Variants in SYT1 observed in about 807,000 individuals in gnomAD.
The protein encoded by SYT1 is synaptotagmin 1.
In SYT1, 8 loss-of-function variants were observed where a neutral mutation model predicts 44.8. The ratio of observed to expected loss-of-function variants is 0.18; its 90% CI spans 0.10 to 0.32. The LOEUF (loss-of-function observed/expected upper bound fraction) is 0.32. Among genes scored for constraint, SYT1 ranks in the 10% least tolerant of loss-of-function variants. The pLI is 1.00. For missense variants in SYT1, 286 were observed against 509.3 expected (o/e 0.56, Z 4.22); for synonymous variants, 154 against 188.8 (o/e 0.82, Z 1.51).
Position 79,449,094 on chromosome 12 carries a change from A to T in SYT1, c.1239A>T (p.Glu413Asp). 3 of 1,613,720 alleles carry T rather than the reference A, an allele frequency of 1.9e-6. No individual in the cohort carries two copies. The highest frequency in any genetic ancestry group is 2.5e-6 in the Non-Finnish European group (3 of 1,179,798). ...AQWHTLQVEE[E>D]VDAMLAVKK ...GGCACACCCTGCAGGTAGAGGAGGAAGTTGATGCCATGCTGGCCGTCAAGA... is the reference window on the plus strand; with the variant it reads ...GGCACACCCTGCAGGTAGAGGAGGATGTTGATGCCATGCTGGCCGTCAAGA... Residue 413 changes from glutamate to aspartate, a missense_variant, in exon 11 of 11, where the codon GAA (glutamate) becomes GAT (aspartate). Glu to Asp is a conservative substitution (Grantham distance 45). This residue lies in a region of SYT1 where 34 missense variants were observed against 59.0 expected (regional missense o/e 0.58). Transcript: ENST00000261205.
In SYT1 at chr12:79,450,653, T is replaced by A. The variant is rs1387590582; in HGVS notation, c.*1529T>A. The A allele has an allele frequency of 6.5e-6, 1 of 152,672 alleles. No individual in the cohort carries two copies. Among genetic ancestry groups the A allele is most frequent in the Admixed American group, 6.5e-5 (1 of 15,284 alleles). The allele number at this position is 152,672 out of a possible 1,614,324, so 9.5% of individuals were successfully genotyped here. On this transcript the variant is annotated 3_prime_UTR_variant, in exon 11 of 11. Coordinates refer to ENST00000261205, the MANE Select transcript of SYT1 (RefSeq NM_005639.3). The stretch of plus-strand genomic sequence containing the variant: ...GCACTCAATTTATTCCGTAGTGATA[T>A]TGTAACAATACTGCCATTCCCTTCT...
At chr12:79,051,342 C>T (rs1420160833) in intron 3 of SYT1, among the ~76,000 whole-genome samples, 1 of 149,316 alleles carries the variant, frequency 6.7e-6, no homozygotes, top group Non-Finnish European at 1.5e-5. Flanking sequence ...ATATGTATCT[C>T]CACTATGTAT....
chr12:78,992,365 A>G (rs1870076737), intron 2 of SYT1, among the ~76,000 whole-genome samples: 1 of 152,232 alleles, frequency 6.6e-6, no homozygotes, highest in South Asian at 2.1e-4. Flanking sequence ...TGTCAGTAGC[A>G]TGAGGCTATA....
At chr12:79,245,284 G>A (rs1280076038) in intron 4 of SYT1, among the ~76,000 whole-genome samples, 1 of 139,662 alleles carries the variant, frequency 7.2e-6, no homozygotes, top group Non-Finnish European at 1.5e-5. Flanking sequence ...GCTAACACAC[G>A]GTGAAACCCC....
chr12:79,273,153 G>A (rs984415401), intron 4 of SYT1, among the ~76,000 whole-genome samples: 1 of 140,766 alleles, frequency 7.1e-6, no homozygotes, highest in Non-Finnish European at 1.5e-5. Flanking sequence ...ATCTCGCTCT[G>A]TTACTCAGGC....
chr12:79,112,307 G>A (rs148379779), intron 3 of SYT1, among the ~76,000 whole-genome samples: 20 of 152,190 alleles, frequency 1.3e-4, no homozygotes, highest in South Asian at 8.3e-4. Context: ...ATAATGAGAC[G>A]TTGAGTAAAA....
chr12:79,192,217 G>T (rs1026140488), intron 3 of SYT1, among the ~76,000 whole-genome samples: 4 of 152,152 alleles, frequency 2.6e-5, no homozygotes, highest in African/African-American at 9.7e-5. Flanking sequence ...TTAGTGAAAA[G>T]AGATCACATA....
chr12:79,232,030 A>G (rs1350943619), intron 4 of SYT1, among the ~76,000 whole-genome samples: 1 of 152,204 alleles, frequency 6.6e-6, no homozygotes, highest in Non-Finnish European at 1.5e-5. Flanking sequence ...TGACTCTACC[A>G]TTACTAGTGT....
intron 1 of SYT1, among the ~76,000 whole-genome samples, chr12:78,865,347 T>G (rs1476739678): frequency 6.6e-6 from 1 of 152,098 alleles, no homozygotes; most frequent in Non-Finnish European, 1.5e-5. Context: ...TCCCCCATCT[T>G]CTTGCTTCCT....
At chr12:79,094,567 A>G (rs1028812581) in intron 3 of SYT1, among the ~76,000 whole-genome samples, 3 of 152,046 alleles carry the variant, frequency 2.0e-5, no homozygotes, top group African/African-American at 7.2e-5. Context: ...GACAGATACA[A>G]TAATATAAAA....
At chr12:79,171,970 G>T (rs896169799) in intron 3 of SYT1, among the ~76,000 whole-genome samples, 1 of 151,866 alleles carries the variant, frequency 6.6e-6, no homozygotes. Context: ...GATTTAAAGA[G>T]ATCACTTATT....
intron 4 of SYT1, among the ~76,000 whole-genome samples, chr12:79,248,738 T>C (rs1877001172): frequency 6.6e-6 from 1 of 152,190 alleles, no homozygotes; most frequent in African/African-American, 2.4e-5. Flanking sequence ...ATTTCAGATC[T>C]TGCTGACACA....
At chr12:79,145,291 T>C (rs61927287) in intron 3 of SYT1, among the ~76,000 whole-genome samples, 13,082 of 152,104 alleles carry the variant, frequency 0.086, 676 homozygotes, top group African/African-American at 0.14. Flanking sequence ...TAAAAACATA[T>C]TTTTCTAATT....
chr12:78,889,112 G>A (rs1317706958), intron 1 of SYT1, among the ~76,000 whole-genome samples: 1 of 151,584 alleles, frequency 6.6e-6, no homozygotes, highest in Non-Finnish European at 1.5e-5. Context: ...GAACCTTATA[G>A]TTAATGCATT....
intron 3 of SYT1, among the ~76,000 whole-genome samples, chr12:79,208,650 G>A (rs917025836): frequency 2.0e-5 from 3 of 152,118 alleles, no homozygotes. Context: ...ATAGTAGGGG[G>A]AAAAGAGATA....
chr12:79,002,460 T>C (rs1190811763), intron 2 of SYT1, among the ~76,000 whole-genome samples: 1 of 152,100 alleles, frequency 6.6e-6, no homozygotes, highest in Non-Finnish European at 1.5e-5. Flanking sequence ...GCCAGTATTT[T>C]TTTTTTTATG....
intron 4 of SYT1, among the ~76,000 whole-genome samples, chr12:79,229,146 C>T (rs1004941896): frequency 8.5e-5 from 13 of 152,198 alleles, no homozygotes; most frequent in African/African-American, 2.9e-4. Flanking sequence ...CTTCTCGGCA[C>T]TGTGTTGGGA....
chr12:79,056,083 G>A (rs1325420082), intron 3 of SYT1, among the ~76,000 whole-genome samples: 1 of 152,038 alleles, frequency 6.6e-6, no homozygotes, highest in African/African-American at 2.4e-5. Context: ...TACAGCCTAG[G>A]TGTGAGGTAG....
At chr12:79,154,346 T>G (rs1870459651) in intron 3 of SYT1, among the ~76,000 whole-genome samples, 1 of 152,022 alleles carries the variant, frequency 6.6e-6, no homozygotes, top group Non-Finnish European at 1.5e-5. Context: ...ATGAGAACAT[T>G]ATGGGTAGGA....
Sources: allele counts gnomAD v4.1 joint callset (sites outside exome capture counted in the v4.1 genomes callset), GRCh38; gene constraint gnomAD v4.1.1; regional missense constraint gnomAD v4.1.1; transcripts MANE v1.5; gene names NCBI Gene and HGNC (gene_info 2026-07-23, HGNC 2026-07-21).